RAPGEFL1: variants seen among roughly 807,000 people sequenced by gnomAD.
RAPGEFL1 encodes the protein rap guanine nucleotide exchange factor-like 1.
A neutral mutation model predicts 64.4 loss-of-function variants in RAPGEFL1; 31 were observed. The observed-to-expected ratio is 0.48, with a 90% CI of 0.36 to 0.65. The LOEUF is 0.65. RAPGEFL1 is among the 30% of genes least tolerant of loss of function. RAPGEFL1 has a pLI of 0.00. For synonymous variants in RAPGEFL1, 331 were observed against 274.1 expected (o/e 1.21, Z -2.05); for missense variants, 682 against 677.4 (o/e 1.01, Z -0.08).
Position 40,193,662 on chromosome 17 carries a change from AG to A in RAPGEFL1, c.1865del. On this transcript the variant is annotated splice_acceptor_variant, in intron 14 of 14. Transcript: ENST00000620260. LOFTEE classifies it high-confidence loss of function. ...GACTGCCTCTCCCTCTTTACCCACTAGGCCTGGACATGGAGGCATCCCCCAA... is the reference window on the plus strand; with the variant it reads ...GACTGCCTCTCCCTCTTTACCCACTAGCCTGGACATGGAGGCATCCCCCAA... The A allele has an allele frequency of 6.2e-7, 1 of 1,614,060 alleles. No individual in the cohort carries two copies. The highest frequency in any genetic ancestry group is 2.2e-5 in the East Asian group (1 of 44,860).
chr17:40,190,794 G>A (rs776851003), intron 8 of RAPGEFL1, 32 bp downstream of exon 8: 3 of 1,611,016 alleles, frequency 1.9e-6, no homozygotes, highest in Non-Finnish European at 2.5e-6. Context: ...ATGCTGGGGG[G>A]CTGGAGGGAG....
rs1989748878 is a variant in RAPGEFL1, at chr17:40,177,579, G to A, written c.-283G>A. ...CTGCCGCCGCAGCGCAGAGCCGGGC[G>A]CACCGGCCCCGCAGCCTGCCCACTC... On this transcript the variant is annotated 5_prime_UTR_variant, in exon 1 of 15. Coordinates refer to ENST00000620260, the MANE Select transcript of RAPGEFL1 (RefSeq NM_016339.6). The A allele has an allele frequency of 5.0e-6, 2 of 403,956 alleles. No homozygotes were observed. The highest frequency in any genetic ancestry group is 4.3e-6 in the Non-Finnish European group (1 of 232,954). The allele number at this position is 403,956 out of a possible 1,614,324, so 25.0% of individuals were successfully genotyped here. A position where few individuals can be genotyped will look rare whatever the true frequency, so the allele number is the denominator to read the frequency against.
chr17:40,191,388 C>T lies in RAPGEFL1; in HGVS notation c.1408C>T (p.Gln470Ter). Residue 470 changes from glutamine to a stop codon, truncating the protein, a stop_gained, in exon 9 of 15, where the codon CAG becomes TAG. Transcript: ENST00000620260. LOFTEE classifies it high-confidence loss of function. This position sits in a 1 kb window ranked among gnomAD's most constrained non-coding sequence, Gnocchi z 5.1. ...RETANLELLL[Q>*]RCSEVTHWVA... ...GACGGCCAACTTGGAGCTGCTGCTG[C>T]AGCGCTGCAGCGAGGTCACGCACTG... The T allele has an allele frequency of 1.9e-6, 3 of 1,599,946 alleles. No individual in the cohort carries two copies. Among genetic ancestry groups the T allele is most frequent in the Non-Finnish European group, 2.5e-6 (3 of 1,177,498 alleles).
Position 40,184,343 on chromosome 17 carries a change from C to T in RAPGEFL1, c.729C>T (p.Ile243=), listed in dbSNP as rs1410660958. The change falls in exon 3 of 15, where the codon ATC becomes ATT. Residue 243 remains isoleucine, a synonymous_variant. Transcript: ENST00000620260. ...LLQEEEGAGH[I]IKDLYLLIMK... is the part of the protein sequence containing the mutation. ...AAGAGGAAGAGGGGGCCGGCCACATCATCAAGGTGGGCCTGGGGGAAGAGA... is the reference window on the plus strand; with the variant it reads ...AAGAGGAAGAGGGGGCCGGCCACATTATCAAGGTGGGCCTGGGGGAAGAGA... The T allele has an allele frequency of 3.7e-6, 6 of 1,609,578 alleles. No individual in the cohort carries two copies. Among genetic ancestry groups the T allele is most frequent in the Non-Finnish European group, 5.1e-6 (6 of 1,178,466 alleles).
chr17:40,177,359 C>A, upstream of RAPGEFL1: 1 of 654,270 alleles, frequency 1.5e-6, no homozygotes, highest in Non-Finnish European at 2.8e-6. Flanking sequence ...CCCTCGCGGT[C>A]AACCCCAGCG....
chr17:40,182,447 G>A (rs1331145142), intron 2 of RAPGEFL1, among the ~76,000 whole-genome samples: 2 of 152,110 alleles, frequency 1.3e-5, no homozygotes, highest in Non-Finnish European at 2.9e-5. Context: ...CCATAGCTGG[G>A]GACTACAGGC....
In RAPGEFL1 at chr17:40,190,529, C is replaced by G. The variant is rs772835705; in HGVS notation, c.1210C>G (p.Leu404Val). 1.9e-6 allele frequency: 3 copies of G among 1,614,196 alleles called. No homozygotes were observed. Among genetic ancestry groups the G allele is most frequent in the Non-Finnish European group, 2.5e-6 (3 of 1,180,018 alleles). ...CTGTACTCGGGACAGCTATGAGGCT[C>G]TGGTAAGAACTTCCCAAGGCCTTGA... is the stretch of plus-strand genomic sequence containing the variant. Reference protein sequence around the residue: ...FACTRDSYEALVPLPEEIQVS... With the variant: ...FACTRDSYEAVVPLPEEIQVS... The change falls in exon 7 of 15, where the codon CTG becomes GTG. Residue 404 changes from leucine to valine, a missense_variant and splice_region_variant. Physicochemically the swap from Leu to Val is conservative, Grantham distance 32. Around this residue, in one of 2 missense-constraint regions of RAPGEFL1, gnomAD observed 411 missense variants for 519.4 expected, o/e 0.79. Coordinates refer to ENST00000620260, the MANE Select transcript of RAPGEFL1 (RefSeq NM_016339.6).
Position 40,184,258 on chromosome 17 carries a change from G to A in RAPGEFL1, c.644G>A (p.Arg215Gln), listed in dbSNP as rs200106334. 2.1e-5 allele frequency: 34 copies of A among 1,613,588 alleles called. No individual in the cohort carries two copies. Among genetic ancestry groups the A allele is most frequent in the East Asian group, 8.9e-5 (4 of 44,856 alleles). Residue 215 changes from arginine (R) to glutamine (Q), a missense_variant, in exon 3 of 15, where the codon CGG (arginine) becomes CAG (glutamine). Arg to Gln is a conservative substitution (Grantham distance 43). Around this residue, in one of 2 missense-constraint regions of RAPGEFL1, gnomAD observed 271 missense variants for 158.0 expected, o/e 1.72. Transcript: ENST00000620260. ...GGMEGPEGLG[R>Q]KQACLAMLLH... ...ATGGAGGGCCCTGAAGGGCTGGGCC[G>A]GAAGCAAGCCTGTCTAGCCATGCTT...
chr17:40,177,995 G>T lies in RAPGEFL1; in HGVS notation c.134G>T (p.Gly45Val). 1 of 483,210 alleles carries T rather than the reference G, an allele frequency of 2.1e-6. No homozygotes were observed. Among genetic ancestry groups the T allele is most frequent in the Non-Finnish European group, 3.7e-6 (1 of 272,588 alleles). 29.9% of individuals were successfully genotyped at this position (483,210 alleles called of 1,614,324 possible). A position where few individuals can be genotyped will look rare whatever the true frequency, so the allele number is the denominator to read the frequency against. ...GGGGGPGGGG[G>V]PAGGQRSLQR... The stretch of plus-strand genomic sequence containing the variant: ...GGTGGGGGACCCGGCGGGGGCGGCG[G>T]TCCAGCCGGGGGACAGCGGTCGTTG... Residue 45 changes from glycine to valine, a missense_variant, in exon 1 of 15, where the codon GGT becomes GTT. Physicochemically the swap from Gly to Val is moderately radical, Grantham distance 109 (BLOSUM62 -3). Coordinates refer to ENST00000620260, the MANE Select transcript of RAPGEFL1 (RefSeq NM_016339.6).
At position 40,181,216 on chromosome 17, in the gene RAPGEFL1, A is replaced by T. The variant is rs75157020; in HGVS notation, c.521-400A>T. ...AAGAGGGATACACACACATGCACAC[A>T]CACAGTCCCCACTGATGCTAACCTC... On this transcript the variant is annotated intron_variant, in intron 1 of 14. Transcript: ENST00000620260. 4,108 of 432,628 alleles carry T rather than the reference A, an allele frequency of 9.5e-3. 18 individuals carry two copies. The highest frequency in any genetic ancestry group is 0.014 in the Non-Finnish European group (3,009 of 212,864). The allele number at this position is 432,628 out of a possible 1,614,324, so 26.8% of individuals were successfully genotyped here.
intron 11 of RAPGEFL1, 86 bp from the exon 12 acceptor site, chr17:40,192,520 A>T (rs1990311262): frequency 8.3e-7 from 1 of 1,200,428 alleles, no homozygotes; most frequent in Non-Finnish European, 1.2e-6. Context: ...AATGTATACA[A>T]GGCAGGGGGT....
In RAPGEFL1 at chr17:40,191,586, A is replaced by T. The variant is rs1990272913; in HGVS notation, c.1519A>T (p.Lys507Ter). 6.3e-7 allele frequency: 1 copy of T among 1,595,898 alleles called. No individual in the cohort carries two copies. The highest frequency in any genetic ancestry group is 8.5e-7 in the Non-Finnish European group (1 of 1,170,618). Reference protein sequence around the residue: ...KKFIKIAALCKQNQDLLSFYA... With the variant: ...KKFIKIAALC ...CCCCGCCTCCCACCCCCGCAGCTGC[A>T]AGCAGAACCAGGACCTGCTGTCTTT... The change falls in exon 10 of 15, where the codon AAG becomes TAG. Residue 507 changes from lysine (K) to a stop codon, truncating the protein, a stop_gained. Transcript: ENST00000620260. LOFTEE classifies it high-confidence loss of function. This position sits in a 1 kb window ranked among gnomAD's most constrained non-coding sequence, Gnocchi z 5.1.
intron 4 of RAPGEFL1, among the ~76,000 whole-genome samples, chr17:40,185,629 CAAA>C (rs1990041800): frequency 6.7e-6 from 1 of 149,210 alleles, no homozygotes. Flanking sequence ...ACTAAAAATA[CAAA>C]AATTAGCTGG....
At position 40,190,782 on chromosome 17, in the gene RAPGEFL1, C is replaced by A. The variant is rs760781943; in HGVS notation, c.1335+20C>A. The A allele has an allele frequency of 7.4e-6, 12 of 1,613,488 alleles. No individual in the cohort carries two copies. The East Asian group carries it at 2.7e-4, about 36-fold the overall frequency. ...CATGAGGTGGGGACCGAGGCTGGTG[C>A]TATGCTGGGGGGCTGGAGGGAGAAA... is the stretch of plus-strand genomic sequence containing the variant. On this transcript the variant is annotated intron_variant, in intron 8 of 14. Transcript: ENST00000620260.
intron 4 of RAPGEFL1, among the ~76,000 whole-genome samples, chr17:40,187,912 CTTTT>C (rs1004508368): frequency 2.4e-5 from 3 of 125,164 alleles, no homozygotes; most frequent in Non-Finnish European, 3.3e-5. Flanking sequence ...CGCGCCTGGC[CTTTT>C]TTTTTTTTTT....
chr17:40,190,555 C>A, intron 7 of RAPGEFL1, 24 bp downstream of exon 7: 1 of 1,614,104 alleles, frequency 6.2e-7, no homozygotes, highest in Non-Finnish European at 8.5e-7. Context: ...AAGGCCTTGA[C>A]TGGAATGGAG....
Position 40,181,608 on chromosome 17 carries a change from C to A in RAPGEFL1, c.521-8C>A. Reference sequence around the variant, plus strand: ...CCTGACATCTGTGGTGCCCACTGATCTTTACAGATATCCTGCTGGATGACA... The same window carrying A: ...CCTGACATCTGTGGTGCCCACTGATATTTACAGATATCCTGCTGGATGACA... On this transcript the variant is annotated splice_polypyrimidine_tract_variant and splice_region_variant and intron_variant, in intron 1 of 14. Transcript: ENST00000620260. 1.4e-6 allele frequency: 1 copy of A among 702,672 alleles called. No individual in the cohort carries two copies. The highest frequency in any genetic ancestry group is 1.5e-5 in the South Asian group (1 of 67,598). The allele number at this position is 702,672 out of a possible 1,614,324, so 43.5% of individuals were successfully genotyped here.
intron 8 of RAPGEFL1, 165 bp downstream of exon 8, chr17:40,190,927 G>A: frequency 9.2e-7 from 1 of 1,086,936 alleles, no homozygotes; most frequent in Non-Finnish European, 1.3e-6. Context: ...AAATCGCAAA[G>A]AGAGAGACCC....
Position 40,191,424 on chromosome 17 carries a change from G to GA in RAPGEFL1, c.1446dup (p.Val483SerfsTer67). ...CGAGGTCACGCACTGGGTGGCCACCGAAGTGCTGCTCTGCGAGGCCCCGGG... is the reference window on the plus strand; with the variant it reads ...CGAGGTCACGCACTGGGTGGCCACCGAAAGTGCTGCTCTGCGAGGCCCCGGG... On this transcript the variant is annotated frameshift_variant, in exon 9 of 15. Transcript: ENST00000620260. LOFTEE classifies it high-confidence loss of function. The surrounding 1 kb of genome is among the most constrained non-coding windows in gnomAD (Gnocchi z 5.1). The GA allele has an allele frequency of 1.2e-6, 2 of 1,605,918 alleles. No individual in the cohort carries two copies. The highest frequency in any genetic ancestry group is 1.7e-6 in the Non-Finnish European group (2 of 1,178,450).
Sources: gnomAD v4.1 joint callset for allele counts (sites outside exome capture counted in the v4.1 genomes callset) on GRCh38, gnomAD v4.1.1 for gene constraint, gnomAD v4.1.1 regional missense constraint, Gnocchi (gnomAD v3.1) non-coding constraint, MANE v1.5 for transcripts, NCBI Gene and HGNC (gene_info 2026-07-23, HGNC 2026-07-21) for gene names.